Variants in KIAA1671 observed in about 807,000 individuals in gnomAD.
KIAA1671 encodes uncharacterized protein KIAA1671.
Under a neutral mutation model 131.2 loss-of-function variants are expected in KIAA1671, and 52 were observed. That is an observed-to-expected ratio of 0.40 (90% CI 0.32 to 0.50). The LOEUF is 0.50. KIAA1671 is among the 20% of genes least tolerant of loss of function. The pLI, the probability that KIAA1671 is intolerant of heterozygous loss-of-function variation, is 0.73. For missense variants in KIAA1671, 2,360 were observed against 2,364.2 expected, an observed-to-expected ratio of 1.00 and a Z score of 0.04; for synonymous variants, 1,003 against 961.6, an observed-to-expected ratio of 1.04 and a Z score of -0.80.
chr22:25,162,674 C>A (rs1021037250), intron 6 of KIAA1671, among the ~76,000 whole-genome samples: 1 of 152,146 alleles, frequency 6.6e-6, no homozygotes, highest in East Asian at 1.9e-4. Context: ...ATGAAAGAGC[C>A]TCTATAGATC....
chr22:25,037,902 C>T lies in KIAA1671; in HGVS notation c.1630-858C>T, dbSNP rs909963188. On this transcript the variant is annotated intron_variant, in intron 4 of 12. Transcript: ENST00000358431. The stretch of plus-strand genomic sequence containing the variant: ...TCACCCAGGCTGGAGTGCAGTGGCA[C>T]GACCTCGGCTCACTGCAATCTCCGC... 3.9e-5 allele frequency among the ~76,000 whole-genome samples: 6 copies of T among 152,116 alleles called. No homozygotes were observed. In the East Asian group the frequency reaches 5.8e-4, roughly 15 times the overall value.
intron 1 of KIAA1671, chr22:25,011,634 C>CTTTTTTTTTTTTTTTTTT (rs35127110): frequency 1.1e-5 from 1 of 87,756 alleles, no homozygotes; most frequent in East Asian, 2.4e-4. Flanking sequence ...CTTTTCTTTT[C>CTTTTTTTTTTTTTTTTTT]TTTTTTTTTT....
At chr22:25,043,790 A>G (rs1383782003) in intron 5 of KIAA1671, among the ~76,000 whole-genome samples, 4 of 152,142 alleles carry the variant, frequency 2.6e-5, no homozygotes, top group African/African-American at 7.2e-5. Flanking sequence ...AGGTGGGAAG[A>G]GCGTAGAATG....
intron 4 of KIAA1671, among the ~76,000 whole-genome samples, chr22:25,033,581 T>G (rs1225635507): frequency 8.3e-6 from 1 of 120,672 alleles, no homozygotes; most frequent in Non-Finnish European, 1.7e-5. Context: ...TTCGTTTTTT[T>G]TTTTTTTTTT....
Position 24,992,459 on chromosome 22 carries a change from G to A in KIAA1671, c.-207-33174G>A, listed in dbSNP as rs116915363. ...CACTGGCCCTGTCTTGTTCACACCT[G>A]TATCTCTGGCTCCTAGTACAGTGCC... is the stretch of plus-strand genomic sequence containing the variant. On this transcript the variant is annotated intron_variant, in intron 1 of 12. Coordinates refer to ENST00000358431, the MANE Select transcript of KIAA1671 (RefSeq NM_001145206.2). Among the ~76,000 whole-genome samples the A allele has an allele frequency of 1.9e-3, 291 of 152,228 alleles. 9 individuals are homozygous for A. The East Asian group carries it at 0.051, about 27-fold the overall frequency.
At chr22:24,994,637 G>A (rs986403813) in intron 1 of KIAA1671, among the ~76,000 whole-genome samples, 35 of 152,116 alleles carry the variant, frequency 2.3e-4, no homozygotes, top group African/African-American at 6.8e-4. Context: ...GAGGGCGACC[G>A]TGGCTCAGGT....
chr22:24,988,368 C>G (rs1429386523), intron 1 of KIAA1671, among the ~76,000 whole-genome samples: 1 of 151,942 alleles, frequency 6.6e-6, no homozygotes, highest in Non-Finnish European at 1.5e-5. Flanking sequence ...TATTCTGACC[C>G]CCGCTCAGTG....
rs1296210058 is a variant in KIAA1671, at chr22:25,165,513, C to T, written c.4531-5307C>T. Among the ~76,000 whole-genome samples the T allele has an allele frequency of 5.3e-5, 8 of 152,312 alleles. No homozygotes were observed. The East Asian group carries it at 1.3e-3, about 26-fold the overall frequency. On this transcript the variant is annotated intron_variant, in intron 6 of 12. Transcript: ENST00000358431. ...TTCTACAGTGATAGAAATGTATTCT[C>T]CATGCTGTTCAGCATGGTGGGTGGC...
intron 1 of KIAA1671, among the ~76,000 whole-genome samples, chr22:25,019,181 G>A (rs957376200): frequency 3.3e-5 from 5 of 151,952 alleles, no homozygotes; most frequent in Non-Finnish European, 7.4e-5. Flanking sequence ...TTAAGCCCAT[G>A]TGGATTTTGG....
chr22:25,189,449 G>A (rs1216019536), intron 11 of KIAA1671, among the ~76,000 whole-genome samples: 5 of 152,014 alleles, frequency 3.3e-5, no homozygotes, highest in South Asian at 2.1e-4. Flanking sequence ...CAGGGATTAC[G>A]GGCGTGAGCC....
intron 12 of KIAA1671, among the ~76,000 whole-genome samples, chr22:25,191,852 C>T (rs1209486234): frequency 1.3e-5 from 2 of 152,126 alleles, no homozygotes; most frequent in African/African-American, 4.8e-5. Context: ...AAAACCTGAC[C>T]TGAGTGAATA....
At chr22:24,961,445 G>A (rs1448000473) in intron 1 of KIAA1671, among the ~76,000 whole-genome samples, 1 of 152,206 alleles carries the variant, frequency 6.6e-6, no homozygotes, top group Non-Finnish European at 1.5e-5. Context: ...CTACATCGCA[G>A]TGGCCTTTAA....
In KIAA1671 at chr22:25,040,123, A is replaced by G; in HGVS notation, c.2993A>G (p.Glu998Gly). Reference sequence around the variant, plus strand: ...CCTCAACTATCCCACTACAGGGTGGAGACCCAGGAGGTGAACCCAGGTGCT... The same window carrying G: ...CCTCAACTATCCCACTACAGGGTGGGGACCCAGGAGGTGAACCCAGGTGCT... ...RKPQLSHYRV[E>G]TQEVNPGASR... is the part of the protein sequence containing the mutation. The change falls in exon 5 of 13, where the codon GAG becomes GGG. Residue 998 changes from glutamate to glycine, a missense_variant. Physicochemically the swap from Glu to Gly is moderately conservative, Grantham distance 98. Coordinates refer to ENST00000358431, the MANE Select transcript of KIAA1671 (RefSeq NM_001145206.2). 1.3e-6 allele frequency: 2 copies of G among 1,551,688 alleles called. No individual in the cohort carries two copies. The highest frequency in any genetic ancestry group is 1.7e-6 in the Non-Finnish European group (2 of 1,147,006).
rs1180665281 is a variant in KIAA1671, at chr22:24,978,770, G to A, written c.-208+25998G>A. On this transcript the variant is annotated intron_variant, in intron 1 of 12. Transcript: ENST00000358431. ...GCAATCTTGGCTCACTACAGCCTCC[G>A]CCTCCTGGGTTCAAGAGATTCTCCT... is the stretch of plus-strand genomic sequence containing the variant. 3.9e-5 allele frequency among the ~76,000 whole-genome samples: 6 copies of A among 152,116 alleles called. No homozygotes were observed. In the South Asian group the frequency reaches 8.3e-4, roughly 21 times the overall value.
At chr22:25,035,904 G>A (rs952141253) in intron 4 of KIAA1671, among the ~76,000 whole-genome samples, 2 of 152,004 alleles carry the variant, frequency 1.3e-5, no homozygotes, top group Non-Finnish European at 2.9e-5. Flanking sequence ...TGTGTTTATT[G>A]TAGTAAAATA....
intron 6 of KIAA1671, among the ~76,000 whole-genome samples, chr22:25,125,606 AG>A (rs34771003): frequency 6.6e-6 from 1 of 152,286 alleles, no homozygotes; most frequent in African/African-American, 2.4e-5. Context: ...TCTCTGTCAT[AG>A]GGAGCTGTCC....
intron 1 of KIAA1671, among the ~76,000 whole-genome samples, chr22:24,980,287 T>C (rs1319985244): frequency 6.6e-6 from 1 of 150,908 alleles, no homozygotes; most frequent in Non-Finnish European, 1.5e-5. Flanking sequence ...TTTTTTTTTT[T>C]TTGAGACGGC....
intron 1 of KIAA1671, among the ~76,000 whole-genome samples, chr22:24,959,013 A>T (rs1206987570): frequency 2.6e-5 from 4 of 151,192 alleles, no homozygotes; most frequent in Non-Finnish European, 5.9e-5. Flanking sequence ...AGAAAAGAAA[A>T]AAAATTAGCC....
chr22:24,973,405 T>G (rs1427054681), intron 1 of KIAA1671, among the ~76,000 whole-genome samples: 2 of 141,582 alleles, frequency 1.4e-5, no homozygotes, highest in Admixed American at 1.4e-4. Flanking sequence ...TTTTTTTTTT[T>G]TTTTTTTTTT....
Sources: gnomAD v4.1 joint callset for allele counts (sites outside exome capture counted in the v4.1 genomes callset) on GRCh38, gnomAD v4.1.1 for gene constraint, MANE v1.5 for transcripts, NCBI Gene and HGNC (gene_info 2026-07-23, HGNC 2026-07-21) for gene names.